KCNIP3: variants seen among roughly 807,000 people sequenced by gnomAD.
The protein encoded by KCNIP3 is calsenilin.
Under a neutral mutation model 35.0 loss-of-function variants are expected in KCNIP3, and 28 were observed. That is an observed-to-expected ratio of 0.80 (90% CI 0.59 to 1.10). KCNIP3 has a LOEUF of 1.10. KCNIP3 is among the 50% of genes least tolerant of loss of function. The pLI is 0.00. For missense variants in KCNIP3, 295 were observed against 338.4 expected, an observed-to-expected ratio of 0.87 and a Z score of 1.01; for synonymous variants, 134 against 133.8, an observed-to-expected ratio of 1.00 and a Z score of -0.01.
chr2:95,316,790 C>G (rs1185082399), intron 2 of KCNIP3, among the ~76,000 whole-genome samples: 1 of 152,194 alleles, frequency 6.6e-6, no homozygotes, highest in Non-Finnish European at 1.5e-5. Flanking sequence ...CATCTGAACC[C>G]TGCTGGTGAA....
chr2:95,352,001 G>A (rs1679537106), intron 2 of KCNIP3, among the ~76,000 whole-genome samples: 1 of 152,166 alleles, frequency 6.6e-6, no homozygotes, highest in Non-Finnish European at 1.5e-5. Context: ...GGTGGATCAG[G>A]CCTATAATCC....
chr2:95,345,435 C>T (rs1186562161), intron 2 of KCNIP3, among the ~76,000 whole-genome samples: 1 of 152,264 alleles, frequency 6.6e-6, no homozygotes, highest in Non-Finnish European at 1.5e-5. Context: ...GGCTCCCACC[C>T]CACCCAGGCA....
At chr2:95,307,765 T>TG (rs1320261752) in intron 1 of KCNIP3, among the ~76,000 whole-genome samples, 1 of 152,188 alleles carries the variant, frequency 6.6e-6, no homozygotes, top group Non-Finnish European at 1.5e-5. Flanking sequence ...CAGACGGGGC[T>TG]GGGGGTCCCA....
chr2:95,312,508 G>A (rs1245548538), intron 2 of KCNIP3: 2 of 152,424 alleles, frequency 1.3e-5, no homozygotes, highest in African/African-American at 4.8e-5. Flanking sequence ...GCGCACAGGA[G>A]ACAGGGCCAG....
chr2:95,326,467 G>A (rs76158645), intron 2 of KCNIP3, among the ~76,000 whole-genome samples: 5,914 of 152,296 alleles, frequency 0.039, 157 homozygotes, highest in Non-Finnish European at 0.054. Context: ...GGAGGGCAGC[G>A]GCTCCCAAAT....
Position 95,366,035 on chromosome 2 carries a change from G to A in KCNIP3, c.182-8261G>A, listed in dbSNP as rs548224131. On this transcript the variant is annotated intron_variant, in intron 2 of 8. Coordinates refer to ENST00000295225, the MANE Select transcript of KCNIP3 (RefSeq NM_013434.5). ...GGGTCTCTGTCGCCCAGACTGGAGT[G>A]CAGTAGTGTGATCCTAGCTCATGGC... Among the ~76,000 whole-genome samples, 14 of 152,158 alleles carry A rather than the reference G, an allele frequency of 9.2e-5. No individual in the cohort carries two copies. In the South Asian group the frequency reaches 2.7e-3, roughly 29 times the overall value.
At chr2:95,313,926 C>A (rs1203559684) in intron 2 of KCNIP3, 1 of 151,956 alleles carries the variant, frequency 6.6e-6, no homozygotes, top group Non-Finnish European at 1.5e-5. Flanking sequence ...CACACACACA[C>A]ACACACATAC....
intron 2 of KCNIP3, among the ~76,000 whole-genome samples, chr2:95,367,791 C>T (rs1480937396): frequency 1.2e-4 from 17 of 138,804 alleles, no homozygotes; most frequent in Non-Finnish European, 2.3e-4. Context: ...GATGGAGTCT[C>T]GCTCTTGTTT....
intron 2 of KCNIP3, among the ~76,000 whole-genome samples, chr2:95,336,476 C>T (rs192411214): frequency 7.9e-5 from 12 of 152,270 alleles, no homozygotes; most frequent in Admixed American, 6.5e-4. Flanking sequence ...ACATATTTAT[C>T]ATAGTTATTT....
At chr2:95,307,450 A>C (rs1230276287) in intron 1 of KCNIP3, among the ~76,000 whole-genome samples, 1 of 152,246 alleles carries the variant, frequency 6.6e-6, no homozygotes, top group African/African-American at 2.4e-5. Context: ...GGCATGTCCC[A>C]AAACTTCTCA....
chr2:95,364,017 C>T (rs1679860564), intron 2 of KCNIP3, among the ~76,000 whole-genome samples: 1 of 152,088 alleles, frequency 6.6e-6, no homozygotes, highest in African/African-American at 2.4e-5. Context: ...TATTTCTTTT[C>T]TAAATTTCCT....
At chr2:95,381,756 A>G in intron 6 of KCNIP3, 53 bp downstream of exon 6, 1 of 1,123,600 alleles carries the variant, frequency 8.9e-7, no homozygotes, top group Non-Finnish European at 1.3e-6. Context: ...CTGCTGCTCC[A>G]CCCCTCCCGC....
At chr2:95,373,280 C>T (rs1264384289) in intron 2 of KCNIP3, among the ~76,000 whole-genome samples, 1 of 152,130 alleles carries the variant, frequency 6.6e-6, no homozygotes, top group Non-Finnish European at 1.5e-5. Context: ...CTTTATTTTG[C>T]ATTGTAAAAG....
intron 2 of KCNIP3, among the ~76,000 whole-genome samples, chr2:95,319,679 G>T (rs1454909088): frequency 1.3e-5 from 2 of 152,190 alleles, no homozygotes; most frequent in Admixed American, 1.3e-4. Flanking sequence ...TGGCCCAGAG[G>T]GCCAGTTTAT....
chr2:95,304,093 C>T (rs757972356), intron 1 of KCNIP3, among the ~76,000 whole-genome samples: 4 of 152,216 alleles, frequency 2.6e-5, no homozygotes, highest in South Asian at 2.1e-4. Flanking sequence ...GAGAGGCCGC[C>T]GTCACTCAGA....
In KCNIP3 at chr2:95,382,429, AC is replaced by A; in HGVS notation, c.612del (p.Ile205SerfsTer25). 6.2e-7 allele frequency: 1 copy of A among 1,608,700 alleles called. No homozygotes were observed. Among genetic ancestry groups the A allele is most frequent in the Non-Finnish European group, 8.5e-7 (1 of 1,177,930 alleles). ...TATGACATGATGGGCCGCCACACCTACCCCATCCTGCGGGAGGACGCGCCGG... is the reference window on the plus strand; with the variant it reads ...TATGACATGATGGGCCGCCACACCTACCCATCCTGCGGGAGGACGCGCCGG... The part of the protein sequence containing the change: ...SIYDMMGRHT[Y>X]PILREDAPAE... On this transcript the variant is annotated frameshift_variant, in exon 7 of 9. Transcript: ENST00000295225. LOFTEE classifies it high-confidence loss of function. The surrounding 1 kb of genome is among the most constrained non-coding windows in gnomAD (Gnocchi z 4.5).
intron 2 of KCNIP3, among the ~76,000 whole-genome samples, chr2:95,356,218 G>A (rs1053792646): frequency 1.3e-5 from 2 of 151,668 alleles, no homozygotes; most frequent in African/African-American, 4.8e-5. Flanking sequence ...TTGTAAATTT[G>A]TTTGGGTTCA....
At chr2:95,306,953 C>T (rs1678192549) in intron 1 of KCNIP3, among the ~76,000 whole-genome samples, 1 of 152,236 alleles carries the variant, frequency 6.6e-6, no homozygotes, top group Admixed American at 6.5e-5. Context: ...AGGATGACCT[C>T]CTCCCGCCTC....
intron 2 of KCNIP3, among the ~76,000 whole-genome samples, chr2:95,352,089 C>T (rs1342634975): frequency 1.3e-5 from 2 of 152,186 alleles, no homozygotes; most frequent in African/African-American, 2.4e-5. Flanking sequence ...ATGGTAAAAC[C>T]CCGTCTCTAC....
Sources: gnomAD v4.1 joint callset for allele counts (sites outside exome capture counted in the v4.1 genomes callset) on GRCh38, gnomAD v4.1.1 for gene constraint, Gnocchi (gnomAD v3.1) non-coding constraint, MANE v1.5 for transcripts, NCBI Gene and HGNC (gene_info 2026-07-23, HGNC 2026-07-21) for gene names.